Variants in APBB2 observed in about 807,000 individuals in gnomAD.
APBB2 encodes Fe65-like 1.
A neutral mutation model predicts 82.5 loss-of-function variants in APBB2; 38 were observed. The ratio of observed to expected loss-of-function variants is 0.46; its 90% confidence interval spans 0.36 to 0.60. APBB2 has a LOEUF of 0.60. APBB2 is among the 20% of genes least tolerant of loss of function. The probability of loss-of-function intolerance (pLI) is 0.00; values close to 1 mark genes in which losing one functional copy is unlikely to be tolerated. For missense variants in APBB2, 772 were observed against 972.3 expected (o/e 0.79, Z 2.74); for synonymous variants, 341 against 368.2 (o/e 0.93, Z 0.85).
rs1772614718 is a variant in APBB2 at position 40,893,319 on chromosome 4, C to T, written c.1347G>A (p.Arg449=). 1 of 1,613,660 alleles carries T rather than the reference C, an allele frequency of 6.2e-7. No homozygotes were observed. Among genetic ancestry groups the T allele is most frequent in the Admixed American group, 1.7e-5 (1 of 59,914 alleles). The change falls in exon 11 of 18, where the codon AGG becomes AGA. Residue 449 remains arginine (R), a synonymous_variant. Transcript: ENST00000508593. Reference sequence around the variant, plus strand: ...TGTCATTTTTGCAGTAGGAAAGTTGCCTGATGCAGTTGTTGACCGCAACAC... The same window carrying T: ...TGTCATTTTTGCAGTAGGAAAGTTGTCTGATGCAGTTGTTGACCGCAACAC... ...KSSVAVNNCI[R]QLSYCKNDIR... is the part of the protein sequence containing the mutation.
intron 3 of APBB2, among the ~76,000 whole-genome samples, chr4:41,075,426 CT>C (rs1325831794): frequency 6.6e-6 from 1 of 152,178 alleles, no homozygotes; most frequent in African/African-American, 2.4e-5. Context: ...ATGGAAGCTT[CT>C]GGCACATAAA....
In APBB2 at chr4:40,811,983, T is replaced by G. The variant is rs974577718; in HGVS notation, c.*4109A>C. On this transcript the variant is annotated 3_prime_UTR_variant, in exon 18 of 18. Transcript: ENST00000508593. ...GTTCTTAAAGGAAGTGATAAACTTC[T>G]TCGTGCTAAAATATCACAATCCTAG... is the stretch of plus-strand genomic sequence containing the variant. 2 of 152,220 alleles carry G rather than the reference T, an allele frequency of 1.3e-5. No individual in the cohort carries two copies. Among genetic ancestry groups the G allele is most frequent in the African/African-American group, 2.4e-5 (1 of 41,466 alleles). The allele number at this position is 152,220 out of a possible 1,614,324, so 9.4% of individuals were successfully genotyped here. A position where few individuals can be genotyped will look rare whatever the true frequency, so the allele number is the denominator to read the frequency against.
intron 12 of APBB2, among the ~76,000 whole-genome samples, chr4:40,869,289 G>A (rs1764817226): frequency 6.6e-6 from 1 of 152,126 alleles, no homozygotes; most frequent in South Asian, 2.1e-4. Flanking sequence ...CCTAGCCCTA[G>A]GATTAAAATG....
At chr4:41,016,383 CG>C (rs759828199) in intron 5 of APBB2, among the ~76,000 whole-genome samples, 55 of 152,170 alleles carry the variant, frequency 3.6e-4, no homozygotes, top group Admixed American at 7.8e-4. Context: ...TAGCCACAGC[CG>C]GGTGCGGTGG....
chr4:40,995,539 A>C (rs1803390561), intron 6 of APBB2, among the ~76,000 whole-genome samples: 1 of 150,876 alleles, frequency 6.6e-6, no homozygotes, highest in African/African-American at 2.5e-5. Context: ...TAATGTTTAA[A>C]AAAAAAAAAT....
rs188652476 is a variant in APBB2 at position 41,100,459 on chromosome 4, G to A, written c.-149+180C>T. On this transcript the variant is annotated intron_variant, in intron 3 of 17. Coordinates refer to ENST00000508593, the MANE Select transcript of APBB2 (RefSeq NM_004307.2). ...ATGTAGAACATCATCTTAATCTCTTGCAAGTTTTTTTTTTTTACACAAAGA... is the reference window on the plus strand; with the variant it reads ...ATGTAGAACATCATCTTAATCTCTTACAAGTTTTTTTTTTTTACACAAAGA... Among the ~76,000 whole-genome samples, 344 of 141,566 alleles carry A rather than the reference G, an allele frequency of 2.4e-3. 1 individual carries two copies. Among genetic ancestry groups the A allele is most frequent in the African/African-American group, 8.2e-3 (330 of 40,078 alleles). The allele number at this position is 141,566 out of a possible 152,430, so 92.9% of individuals were successfully genotyped here. A position where few individuals can be genotyped will look rare whatever the true frequency, so the allele number is the denominator to read the frequency against.
At chr4:40,876,785 C>G (rs1311221193) in intron 12 of APBB2, among the ~76,000 whole-genome samples, 1 of 151,994 alleles carries the variant, frequency 6.6e-6, no homozygotes, top group East Asian at 1.9e-4. Context: ...TTGAATGTGT[C>G]GATGTAAAAA....
In APBB2 at chr4:40,890,426, G is replaced by A. The variant is rs775672189; in HGVS notation, c.1467C>T (p.Ser489=). 1.9e-5 allele frequency: 30 copies of A among 1,613,962 alleles called. No homozygotes were observed. In the East Asian group the frequency reaches 3.6e-4, roughly 19 times the overall value. The change falls in exon 12 of 18, where the codon AGC becomes AGT. Residue 489 remains serine (S), a synonymous_variant. Coordinates refer to ENST00000508593, the MANE Select transcript of APBB2 (RefSeq NM_004307.2). ...MLSLVDPMDR[S]VLHSQPIVSI... is the part of the protein sequence containing the mutation. The stretch of plus-strand genomic sequence containing the variant: ...TGACGATGGGCTGCGAGTGCAGCAC[G>A]CTGCGGTCCATGGGGTCCACCAGGC...
chr4:40,944,546 A>G (rs189245792), intron 7 of APBB2, among the ~76,000 whole-genome samples: 1 of 152,306 alleles, frequency 6.6e-6, no homozygotes, highest in East Asian at 1.9e-4. Context: ...AGCACCATGC[A>G]ATGGTACCTG....
chr4:40,903,796 G>A (rs1775970121), intron 10 of APBB2, among the ~76,000 whole-genome samples: 2 of 152,102 alleles, frequency 1.3e-5, no homozygotes, highest in African/African-American at 4.8e-5. Context: ...TGGTGATCCC[G>A]GCTGCTGCCT....
intron 3 of APBB2, among the ~76,000 whole-genome samples, chr4:41,067,162 C>A (rs942829393): frequency 1.3e-5 from 2 of 152,210 alleles, no homozygotes; most frequent in African/African-American, 4.8e-5. Context: ...GTAATCCCAG[C>A]ACTTTGGGAG....
chr4:40,907,543 G>A (rs1777342321), intron 10 of APBB2, among the ~76,000 whole-genome samples: 1 of 150,862 alleles, frequency 6.6e-6, no homozygotes, highest in Admixed American at 6.6e-5. Context: ...GCTGATTTTT[G>A]TATTTTTAGT....
intron 3 of APBB2, among the ~76,000 whole-genome samples, chr4:41,087,421 C>A (rs1220416657): frequency 1.3e-5 from 2 of 152,012 alleles, no homozygotes. Context: ...TACAGAGGAA[C>A]CAATACATAT....
At chr4:40,998,401 C>A (rs1322972527) in intron 6 of APBB2, among the ~76,000 whole-genome samples, 1 of 152,116 alleles carries the variant, frequency 6.6e-6, no homozygotes, top group Non-Finnish European at 1.5e-5. Flanking sequence ...TATAAGAGTG[C>A]AAACAAGCTT....
At chr4:40,828,572 G>A (rs1384515685) in intron 13 of APBB2, among the ~76,000 whole-genome samples, 3 of 152,216 alleles carry the variant, frequency 2.0e-5, no homozygotes, top group Non-Finnish European at 2.9e-5. Flanking sequence ...AGCTCCATAA[G>A]GGCAAGGACT....
At chr4:41,082,941 T>C (rs1738195714) in intron 3 of APBB2, among the ~76,000 whole-genome samples, 1 of 152,014 alleles carries the variant, frequency 6.6e-6, no homozygotes, top group African/African-American at 2.4e-5. Flanking sequence ...GGCGGGAAGA[T>C]CACTTGAGGT....
At chr4:41,045,138 AT>A (rs1043479787) in intron 4 of APBB2, among the ~76,000 whole-genome samples, 5 of 151,576 alleles carry the variant, frequency 3.3e-5, no homozygotes, top group Middle Eastern at 3.4e-3. Flanking sequence ...TTCTAAGATG[AT>A]TTTTTTTAAT....
intron 4 of APBB2, among the ~76,000 whole-genome samples, chr4:41,050,635 A>G (rs79842470): frequency 0.02 from 3,063 of 152,318 alleles, 112 homozygotes; most frequent in African/African-American, 0.071. Context: ...CGAAGATAAA[A>G]ATAGGTACAG....
intron 12 of APBB2, among the ~76,000 whole-genome samples, chr4:40,883,662 C>T (rs908400483): frequency 4.0e-5 from 6 of 150,544 alleles, no homozygotes; most frequent in African/African-American, 1.5e-4. Flanking sequence ...CAGGGACCCC[C>T]GAATGCTGCT....
Sources: gnomAD v4.1 joint callset for allele counts (sites outside exome capture counted in the v4.1 genomes callset) on GRCh38, gnomAD v4.1.1 for gene constraint, MANE v1.5 for transcripts, NCBI Gene and HGNC (gene_info 2026-07-23, HGNC 2026-07-21) for gene names.